The following PEX5L variants were observed in gnomAD, a reference collection of about 807,000 sequenced individuals.
PEX5L encodes the protein PEX5-related protein.
A neutral mutation model predicts 84.0 loss-of-function variants in PEX5L; 30 were observed. The observed-to-expected ratio is 0.36, with a 90% CI of 0.27 to 0.48. PEX5L has a LOEUF of 0.48. PEX5L is among the 20% of genes least tolerant of loss of function. The pLI is 0.99. For missense variants in PEX5L, 533 were observed against 754.6 expected, an observed-to-expected ratio of 0.71 and a Z score of 3.44; for synonymous variants, 270 against 283.1, an observed-to-expected ratio of 0.95 and a Z score of 0.46.
At chr3:179,966,315 T>C (rs10804880) in intron 2 of PEX5L, among the ~76,000 whole-genome samples, 115,712 of 152,002 alleles carry the variant, frequency 0.76, 44,374 homozygotes, top group East Asian at 0.96. Context: ...TCTAAGAAGG[T>C]ACCCAGGGAC....
rs188358489 is a variant in PEX5L at position 180,024,676 on chromosome 3, G to C, written c.21+11903C>G. On this transcript the variant is annotated intron_variant, in intron 1 of 14. Transcript: ENST00000467460. ...TTCCTTGGATCTGATGTGAAAAGCT[G>C]CATGTGTGTGTGTGAGAGAGAGAGA... Among the ~76,000 whole-genome samples the C allele has an allele frequency of 1.6e-3, 240 of 152,010 alleles. 1 individual carries two copies. The highest frequency in any genetic ancestry group is 2.8e-4 in the Non-Finnish European group (19 of 68,000).
rs188578804 is a variant in PEX5L at position 179,857,039 on chromosome 3, C to T, written c.822+2023G>A. 4.2e-3 allele frequency among the ~76,000 whole-genome samples: 639 copies of T among 152,268 alleles called. 5 individuals are homozygous for T. Among genetic ancestry groups the T allele is most frequent in the African/African-American group, 0.015 (605 of 41,562 alleles). Reference sequence around the variant, plus strand: ...AGAACCTAGATCAGCAGCCAGTACACGTAAACAGCCAGTATGGTTTGCTGA... The same window carrying T: ...AGAACCTAGATCAGCAGCCAGTACATGTAAACAGCCAGTATGGTTTGCTGA... On this transcript the variant is annotated intron_variant, in intron 8 of 14. Coordinates refer to ENST00000467460, the MANE Select transcript of PEX5L (RefSeq NM_016559.3).
intron 2 of PEX5L, among the ~76,000 whole-genome samples, chr3:179,952,559 T>G (rs2109981519): frequency 6.6e-6 from 1 of 152,264 alleles, no homozygotes; most frequent in African/African-American, 2.4e-5. Flanking sequence ...AATGATCTCC[T>G]CTTTAGGGAG....
intron 2 of PEX5L, among the ~76,000 whole-genome samples, chr3:179,923,097 G>A (rs1176954781): frequency 1.3e-5 from 2 of 151,532 alleles, no homozygotes; most frequent in Admixed American, 6.6e-5. Flanking sequence ...AGACCATCCT[G>A]GCTAACACGG....
chr3:179,890,042 T>C (rs1356290939), intron 3 of PEX5L, among the ~76,000 whole-genome samples: 2 of 152,206 alleles, frequency 1.3e-5, no homozygotes, highest in South Asian at 2.1e-4. Flanking sequence ...TTGTAGTTAG[T>C]GCATGTCCAA....
At chr3:179,983,362 A>AGAAT (rs1338293184) in intron 1 of PEX5L, among the ~76,000 whole-genome samples, 3 of 152,090 alleles carry the variant, frequency 2.0e-5, no homozygotes, top group Non-Finnish European at 2.9e-5. Flanking sequence ...ATCAGAATAA[A>AGAAT]GAATCTACTT....
chr3:179,860,962 C>T (rs1745898606), intron 7 of PEX5L, among the ~76,000 whole-genome samples: 1 of 152,184 alleles, frequency 6.6e-6, no homozygotes, highest in South Asian at 2.1e-4. Flanking sequence ...GAAAGGCTGC[C>T]CCTGGGGGGC....
intron 2 of PEX5L, among the ~76,000 whole-genome samples, chr3:179,934,190 ATATCT>A (rs147810725): frequency 0.012 from 1,834 of 152,344 alleles, 36 homozygotes; most frequent in African/African-American, 0.041. Context: ...ACTCTGGAGG[ATATCT>A]TATATGTATT....
At chr3:180,012,589 G>C (rs1186916051) in intron 1 of PEX5L, among the ~76,000 whole-genome samples, 1 of 151,866 alleles carries the variant, frequency 6.6e-6, no homozygotes, top group African/African-American at 2.4e-5. Flanking sequence ...CCCTGGTCTA[G>C]GTACTACAAA....
chr3:179,855,630 T>C (rs1455292597), intron 8 of PEX5L, among the ~76,000 whole-genome samples: 1 of 152,188 alleles, frequency 6.6e-6, no homozygotes, highest in Non-Finnish European at 1.5e-5. Context: ...AATTCGTATG[T>C]TGAAACCTAA....
intron 2 of PEX5L, among the ~76,000 whole-genome samples, chr3:179,915,977 C>T (rs1766921583): frequency 6.6e-6 from 1 of 152,184 alleles, no homozygotes; most frequent in African/African-American, 2.4e-5. Context: ...ATTATATCCT[C>T]ATTTCACAAA....
At chr3:179,827,030 T>C (rs1250719979) in intron 8 of PEX5L, among the ~76,000 whole-genome samples, 1 of 152,176 alleles carries the variant, frequency 6.6e-6, no homozygotes, top group Non-Finnish European at 1.5e-5. Flanking sequence ...TCTCACACTA[T>C]CATTGGTAAA....
intron 1 of PEX5L, among the ~76,000 whole-genome samples, chr3:180,006,196 T>C (rs926376702): frequency 6.6e-6 from 1 of 152,204 alleles, no homozygotes; most frequent in Non-Finnish European, 1.5e-5. Flanking sequence ...CCTCCCTTGA[T>C]GGCAGTCTAT....
chr3:179,975,434 T>C (rs1785655425), intron 1 of PEX5L, among the ~76,000 whole-genome samples: 1 of 152,208 alleles, frequency 6.6e-6, no homozygotes, highest in Admixed American at 6.5e-5. Flanking sequence ...AGGAATGGAA[T>C]ATATAAAGAA....
At chr3:179,911,536 G>T (rs1403020851) in intron 2 of PEX5L, among the ~76,000 whole-genome samples, 1 of 152,012 alleles carries the variant, frequency 6.6e-6, no homozygotes. Context: ...AATTCAATAC[G>T]CTCTAATAAT....
At chr3:179,943,824 T>C (rs900116575) in intron 2 of PEX5L, among the ~76,000 whole-genome samples, 6 of 152,212 alleles carry the variant, frequency 3.9e-5, no homozygotes, top group Admixed American at 6.5e-5. Context: ...ATTCTACCAA[T>C]TGTGCTCCAT....
intron 2 of PEX5L, among the ~76,000 whole-genome samples, chr3:179,966,374 C>T (rs1454838490): frequency 6.6e-6 from 1 of 152,074 alleles, no homozygotes; most frequent in African/African-American, 2.4e-5. Flanking sequence ...TTGTAAGTGT[C>T]CTCAGGGGTA....
chr3:179,876,336 A>T (rs1415940761), intron 5 of PEX5L, among the ~76,000 whole-genome samples: 2 of 145,262 alleles, frequency 1.4e-5, no homozygotes, highest in African/African-American at 5.0e-5. Flanking sequence ...TCTACTAAAT[A>T]AAAAAAAAAA....
chr3:179,953,240 C>A (rs1026571904), intron 2 of PEX5L, among the ~76,000 whole-genome samples: 4 of 152,080 alleles, frequency 2.6e-5, no homozygotes, highest in Non-Finnish European at 5.9e-5. Flanking sequence ...ACAAAAGCCA[C>A]AATTGACAAA....
Sources: allele counts gnomAD v4.1 joint callset (sites outside exome capture counted in the v4.1 genomes callset), GRCh38; gene constraint gnomAD v4.1.1; transcripts MANE v1.5; gene names NCBI Gene and HGNC (gene_info 2026-07-23, HGNC 2026-07-21).